The following ATM variants were observed in gnomAD, a reference collection of about 807,000 sequenced individuals.
ATM encodes ATM serine/threonine kinase.
ATM carries 308 observed loss-of-function variants against 387.0 expected under a neutral mutation model. That is an observed-to-expected ratio of 0.80 (90% confidence interval 0.73 to 0.87). ATM has a LOEUF of 0.87. Ranked by LOEUF, ATM falls within the 40% of genes least tolerant of loss-of-function variation. The pLI, the probability that ATM is intolerant of heterozygous loss-of-function variation, is 0.00. For missense variants in ATM, 3,312 were observed against 3,560.9 expected (o/e 0.93, Z 1.78); for synonymous variants, 1,156 against 1,187.3 (o/e 0.97, Z 0.54).
intron 17 of ATM, among the ~76,000 whole-genome samples, chr11:108,267,683 C>T (rs960033373): frequency 1.3e-5 from 2 of 151,964 alleles, no homozygotes; most frequent in Non-Finnish European, 2.9e-5. Context: ...GTGGTGAAAC[C>T]CCATCTCTAC....
At position 108,284,223 on chromosome 11, in the gene ATM, T is replaced by C; in HGVS notation, c.3747-4T>C. The C allele has an allele frequency of 6.2e-7, 1 of 1,600,178 alleles. No homozygotes were observed. The highest frequency in any genetic ancestry group is 8.5e-7 in the Non-Finnish European group (1 of 1,170,310). ...ACCTGTATTTTAAATTTTTCTATTTTTAGATCTTGTTATAAGGTTTTGATT... is the reference window on the plus strand; with the variant it reads ...ACCTGTATTTTAAATTTTTCTATTTCTAGATCTTGTTATAAGGTTTTGATT... On this transcript the variant is annotated splice_region_variant and splice_polypyrimidine_tract_variant and intron_variant, in intron 25 of 62. Coordinates refer to ENST00000675843, the MANE Select transcript of ATM (RefSeq NM_000051.4).
At chr11:108,343,956 T>A (rs1406317655) in intron 57 of ATM, among the ~76,000 whole-genome samples, 1 of 152,202 alleles carries the variant, frequency 6.6e-6, no homozygotes, top group African/African-American at 2.4e-5. Flanking sequence ...GGTACTGTGC[T>A]GACTTAAGAC....
rs765195241 is a variant in ATM, at chr11:108,292,740, A to T, written c.4558A>T (p.Ile1520Phe). The T allele has an allele frequency of 6.2e-7, 1 of 1,613,862 alleles. No homozygotes were observed. The highest frequency in any genetic ancestry group is 1.7e-5 in the Admixed American group (1 of 59,978). The change falls in exon 30 of 63, where the codon ATT becomes TTT. Residue 1520 changes from isoleucine (I) to phenylalanine (F), a missense_variant. Physicochemically the swap from Ile to Phe is conservative, Grantham distance 21. Transcript: ENST00000675843. ...TGCTCTAGAAAACCATCTTCATGTT[A>T]TTGTTGGTACACTTATACCCCTTGT... ...KDALENHLHV[I>F]VGTLIPLVYE...
At chr11:108,327,438 G>A in intron 47 of ATM, 9 of 518,562 alleles carry the variant, frequency 1.7e-5, no homozygotes, top group East Asian at 7.0e-5. Flanking sequence ...TCCAATAATG[G>A]CAATAATAAT....
chr11:108,364,335 G>C (rs953466298), intron 61 of ATM, among the ~76,000 whole-genome samples: 42 of 152,190 alleles, frequency 2.8e-4, no homozygotes, highest in African/African-American at 9.9e-4. Flanking sequence ...AAAGTTCTGT[G>C]TTTATAAATA....
chr11:108,256,679 C>G (rs778607122), intron 14 of ATM, among the ~76,000 whole-genome samples: 36 of 152,076 alleles, frequency 2.4e-4, no homozygotes, highest in Non-Finnish European at 4.1e-4. Flanking sequence ...CCCCCGACCC[C>G]CTGTCAGGCC....
At chr11:108,249,166 ACTT>A in intron 9 of ATM, 64 bp downstream of exon 9, 1 of 1,578,114 alleles carries the variant, frequency 6.3e-7, no homozygotes, top group Non-Finnish European at 8.7e-7. Context: ...TTTTCAGAAA[ACTT>A]TCAGTGGAAT....
intron 56 of ATM, among the ~76,000 whole-genome samples, chr11:108,338,472 C>T (rs227066): frequency 0.63 from 96,080 of 152,032 alleles, 30,775 homozygotes; most frequent in Middle Eastern, 0.76. Context: ...CTGGGCAACA[C>T]AGCAAGACCT....
At position 108,365,869 on chromosome 11, in the gene ATM, A is replaced by C; in HGVS notation, c.*361A>C. On this transcript the variant is annotated 3_prime_UTR_variant, in exon 63 of 63. Coordinates refer to ENST00000675843, the MANE Select transcript of ATM (RefSeq NM_000051.4). ...TATGGTGAAACCCTGTCTCTACTAAAAATACAAAAATTAGCCGAGCATGGT... is the reference window on the plus strand; with the variant it reads ...TATGGTGAAACCCTGTCTCTACTAACAATACAAAAATTAGCCGAGCATGGT... 4.5e-6 allele frequency: 1 copy of C among 221,844 alleles called. No individual in the cohort carries two copies. The highest frequency in any genetic ancestry group is 9.2e-6 in the Non-Finnish European group (1 of 109,288). The allele number at this position is 221,844 out of a possible 1,614,324, so 13.7% of individuals were successfully genotyped here.
intron 15 of ATM, 62 bp downstream of exon 15, chr11:108,257,668 G>A (rs2080592179): frequency 6.6e-7 from 1 of 1,505,340 alleles, no homozygotes; most frequent in East Asian, 2.3e-5. Flanking sequence ...CACCCAGGCT[G>A]GAGTGCAGTG....
chr11:108,307,302 A>C lies in ATM; in HGVS notation c.5675-595A>C, dbSNP rs116026716. Among the ~76,000 whole-genome samples, 938 of 152,200 alleles carry C rather than the reference A, an allele frequency of 6.2e-3. 10 individuals carry two copies. Among genetic ancestry groups the C allele is most frequent in the African/African-American group, 0.021 (889 of 41,536 alleles). On this transcript the variant is annotated intron_variant, in intron 37 of 62. Transcript: ENST00000675843. ...ATAGCTGGGATTACAGATGTGTGCCAGCATGCCCTGCTAATTTTTGTGTTT... is the reference window on the plus strand; with the variant it reads ...ATAGCTGGGATTACAGATGTGTGCCCGCATGCCCTGCTAATTTTTGTGTTT...
intron 7 of ATM, among the ~76,000 whole-genome samples, chr11:108,245,261 C>T (rs764272147): frequency 6.6e-6 from 1 of 151,972 alleles, no homozygotes; most frequent in Non-Finnish European, 1.5e-5. Flanking sequence ...ATGGGAAATA[C>T]AAAAAAATCT....
chr11:108,227,430 A>G (rs754136203), intron 1 of ATM, 165 bp from the exon 2 acceptor site: 7 of 532,726 alleles, frequency 1.3e-5, no homozygotes, highest in Admixed American at 3.3e-5. Flanking sequence ...ATGTTAAGAA[A>G]AATTATTGTG....
In ATM at chr11:108,235,705, TA is replaced by T. The variant is rs730881296; in HGVS notation, c.368del (p.Tyr123LeufsTer6). ...GCTAAAATGTCAAGAACTCTTAAAT[TA>T]TATCATGGATACAGTGAAAGATTCA... ...PRLKCQELLN[Y>X]IMDTVKDSSN... On this transcript the variant is annotated frameshift_variant, in exon 5 of 63. Transcript: ENST00000675843. LOFTEE classifies it high-confidence loss of function. 1 of 1,612,134 alleles carries T rather than the reference TA, an allele frequency of 6.2e-7. No individual in the cohort carries two copies. The highest frequency in any genetic ancestry group is 8.5e-7 in the Non-Finnish European group (1 of 1,178,392).
chr11:108,234,062 T>C (rs561155968), intron 4 of ATM, among the ~76,000 whole-genome samples: 2 of 152,274 alleles, frequency 1.3e-5, no homozygotes, highest in African/African-American at 4.8e-5. Flanking sequence ...AGAGATTAAT[T>C]CCTTTCCTTA....
intron 17 of ATM, 125 bp downstream of exon 17, chr11:108,267,467 G>T: frequency 1.3e-6 from 1 of 777,444 alleles, no homozygotes; most frequent in Non-Finnish European, 2.1e-6. Context: ...TTTTAGGATT[G>T]TTCCTTTCTT....
chr11:108,366,061 T>C lies in ATM; in HGVS notation c.*553T>C, dbSNP rs2091311879. 1 of 185,038 alleles carries C rather than the reference T, an allele frequency of 5.4e-6. No individual in the cohort carries two copies. Among genetic ancestry groups the C allele is most frequent in the African/African-American group, 2.4e-5 (1 of 42,518 alleles). 11.5% of individuals were successfully genotyped at this position (185,038 alleles called of 1,614,324 possible). A position where few individuals can be genotyped will look rare whatever the true frequency, so the allele number is the denominator to read the frequency against. On this transcript the variant is annotated 3_prime_UTR_variant, in exon 63 of 63. Transcript: ENST00000675843. ...AAAAAAAAAAAAACAGAAACGTATT[T>C]GGATTTTTCCTAGTAAGATCACTCA... is the stretch of plus-strand genomic sequence containing the variant.
At chr11:108,238,180 G>A (rs1384809007) in intron 5 of ATM, among the ~76,000 whole-genome samples, 1 of 152,052 alleles carries the variant, frequency 6.6e-6, no homozygotes, top group Non-Finnish European at 1.5e-5. Flanking sequence ...ACCTGCCTCA[G>A]CCTCCCAAAG....
chr11:108,284,181 T>G, intron 25 of ATM, 46 bp from the exon 26 acceptor site: 1 of 1,446,480 alleles, frequency 6.9e-7, no homozygotes, highest in Non-Finnish European at 9.4e-7. Context: ...AAATTTTACT[T>G]GGAAAAGTTA....
Sources: gnomAD v4.1 joint callset for allele counts (sites outside exome capture counted in the v4.1 genomes callset) on GRCh38, gnomAD v4.1.1 for gene constraint, MANE v1.5 for transcripts, NCBI Gene and HGNC (gene_info 2026-07-23, HGNC 2026-07-21) for gene names.